The following KLHL17 variants were observed in gnomAD, a reference collection of about 807,000 sequenced individuals.
The protein encoded by KLHL17 is kelch like family member 17, also known as kelch-like protein 17.
In KLHL17, 71 loss-of-function variants were observed where a neutral mutation model predicts 64.6. The ratio of observed to expected loss-of-function variants is 1.10; its 90% CI spans 0.91 to 1.34. The LOEUF (loss-of-function observed/expected upper bound fraction) is 1.34, where lower values mean the gene tolerates loss of function less well. KLHL17 is among the 40% of genes most tolerant of loss of function. The probability of loss-of-function intolerance (pLI) is 0.00; values close to 1 mark genes in which losing one functional copy is unlikely to be tolerated. For synonymous variants in KLHL17, 612 were observed against 405.4 expected, an observed-to-expected ratio of 1.51 and a Z score of -6.12; for missense variants, 1,140 against 935.0, an observed-to-expected ratio of 1.22 and a Z score of -2.86.
rs373840424 is a variant in KLHL17 at position 963,224 on chromosome 1, G to T, written c.1158G>T (p.Ala386=). 3.7e-6 allele frequency: 6 copies of T among 1,607,332 alleles called. No individual in the cohort carries two copies. The South Asian group carries it at 6.6e-5, about 18-fold the overall frequency. The change falls in exon 7 of 12, where the codon GCG becomes GCT. Residue 386 remains alanine, a synonymous_variant. Coordinates refer to ENST00000338591, the MANE Select transcript of KLHL17 (RefSeq NM_198317.3). ...STRRARVGVA[A]VGNRLYAVGG... is the part of the protein sequence containing the mutation. ...GCCGGGCCCGGGTGGGAGTGGCTGCGGTGGGGAACCGGCTCTATGCTGTGG... is the reference window on the plus strand; with the variant it reads ...GCCGGGCCCGGGTGGGAGTGGCTGCTGTGGGGAACCGGCTCTATGCTGTGG...
chr1:963,866 C>T, intron 8 of KLHL17, 54 bp from the exon 9 acceptor site: 2 of 1,568,666 alleles, frequency 1.3e-6, no homozygotes, highest in Non-Finnish European at 1.8e-6. Context: ...GGTCCTGGGG[C>T]CGGGACGCCT....
intron 4 of KLHL17, 85 bp downstream of exon 4, chr1:962,132 GAC>G (rs1444310353): frequency 7.6e-7 from 1 of 1,309,368 alleles, no homozygotes; most frequent in Non-Finnish European, 1.0e-6. Flanking sequence ...TTTTGTTCCT[GAC>G]ACAGCCCTGC....
At chr1:962,266 C>T (rs764107073) in intron 4 of KLHL17, 89 bp from the exon 5 acceptor site, 10 of 1,600,480 alleles carry the variant, frequency 6.2e-6, no homozygotes, top group Middle Eastern at 1.7e-4. Flanking sequence ...CAGCCCCCAC[C>T]TGCTAACCCT....
rs1047309383 is a variant in KLHL17 at position 961,820 on chromosome 1, C to T, written c.490-6C>T. On this transcript the variant is annotated splice_polypyrimidine_tract_variant and splice_region_variant and intron_variant, in intron 3 of 11. Coordinates refer to ENST00000338591, the MANE Select transcript of KLHL17 (RefSeq NM_198317.3). ...CCTCCCTCACCTGCCTCTCGGTGCC[C>T]CGTAGACTCTGCTCCCAGCCGCCAG... 10 of 1,610,496 alleles carry T rather than the reference C, an allele frequency of 6.2e-6. No homozygotes were observed. The highest frequency in any genetic ancestry group is 1.3e-5 in the African/African-American group (1 of 75,054).
rs557507930 is a variant in KLHL17, at chr1:961,467, C to G, written c.282C>G (p.Ile94Met). ...RMRQRGLLCD[I>M]VLHVAAKEIR... ...GCCAGCGCGGCCTCCTGTGCGACAT[C>G]GTCCTGCACGTGGCTGCCAAGGAGA... The change falls in exon 2 of 12, where the codon ATC (isoleucine) becomes ATG (methionine). Residue 94 changes from isoleucine (I) to methionine (M), a missense_variant. Ile to Met is a conservative substitution (Grantham distance 10, BLOSUM62 1). Coordinates refer to ENST00000338591, the MANE Select transcript of KLHL17 (RefSeq NM_198317.3). The G allele has an allele frequency of 1.9e-6, 3 of 1,612,476 alleles. No homozygotes were observed. In the South Asian group the frequency reaches 3.3e-5, roughly 18 times the overall value.
chr1:962,310 A>G lies in KLHL17; in HGVS notation c.712-45A>G, dbSNP rs1386260867. The stretch of plus-strand genomic sequence containing the variant: ...GGCATCTTCAGGGCTCCCTGGGTCC[A>G]CAGGACCCTCCCCAGATCTCAGGTC... On this transcript the variant is annotated intron_variant, in intron 4 of 11. Coordinates refer to ENST00000338591, the MANE Select transcript of KLHL17 (RefSeq NM_198317.3). The G allele has an allele frequency of 3.7e-6, 6 of 1,610,238 alleles. No individual in the cohort carries two copies. In the African/African-American group the frequency reaches 4.0e-5, roughly 11 times the overall value.
In KLHL17 at chr1:964,714, G is replaced by A. The variant is rs1569993245; in HGVS notation, c.1700+184G>A. On this transcript the variant is annotated intron_variant, in intron 11 of 11. Coordinates refer to ENST00000338591, the MANE Select transcript of KLHL17 (RefSeq NM_198317.3). ...GCTGCCGGGAGGGGGGCGCGGGTCCGCAGTGGGGATGTGCTGCCGGGAGGG... is the reference window on the plus strand; with the variant it reads ...GCTGCCGGGAGGGGGGCGCGGGTCCACAGTGGGGATGTGCTGCCGGGAGGG... 3.8e-3 allele frequency among the ~76,000 whole-genome samples: 2 copies of A among 526 alleles called. 1 individual carries two copies. Among genetic ancestry groups the A allele is most frequent in the African/African-American group, 0.062 (2 of 32 alleles). The allele number at this position is 526 out of a possible 152,430, so 0.3% of individuals were successfully genotyped here. A position where few individuals can be genotyped will look rare whatever the true frequency, so the allele number is the denominator to read the frequency against.
chr1:961,432 A>G lies in KLHL17; in HGVS notation c.247A>G (p.Ser83Gly), dbSNP rs750691479. 1.8e-5 allele frequency: 29 copies of G among 1,611,904 alleles called. No homozygotes were observed. Among genetic ancestry groups the G allele is most frequent in the South Asian group, 8.8e-5 (8 of 91,008 alleles). ...CTACCACGATGCCTTCGTGGCCATG[A>G]GCCGCATGCGCCAGCGCGGCCTCCT... ...RHYHDAFVAMSRMRQRGLLCD... is the reference protein window; with the variant it reads ...RHYHDAFVAMGRMRQRGLLCD... The change falls in exon 2 of 12, where the codon AGC becomes GGC. Residue 83 changes from serine (S) to glycine (G), a missense_variant. Physicochemically the swap from Ser to Gly is moderately conservative, Grantham distance 56 (BLOSUM62 0). Coordinates refer to ENST00000338591, the MANE Select transcript of KLHL17 (RefSeq NM_198317.3).
intron 4 of KLHL17, 24 bp downstream of exon 4, chr1:962,071 T>TCGCCCC: frequency 1.3e-6 from 2 of 1,581,974 alleles, no homozygotes; most frequent in Non-Finnish European, 1.7e-6. Flanking sequence ...GGCCCAGCCC[T>TCGCCCC]CGCCCCCCAC....
In KLHL17 at chr1:961,474, C is replaced by T; in HGVS notation, c.289C>T (p.His97Tyr). Reference protein sequence around the residue: ...QRGLLCDIVLHVAAKEIRAHK... With the variant: ...QRGLLCDIVLYVAAKEIRAHK... ...CGGCCTCCTGTGCGACATCGTCCTG[C>T]ACGTGGCTGCCAAGGAGATCCGTGC... The change falls in exon 2 of 12, where the codon CAC becomes TAC. Residue 97 changes from histidine (H) to tyrosine (Y), a missense_variant. Coordinates refer to ENST00000338591, the MANE Select transcript of KLHL17 (RefSeq NM_198317.3). The T allele has an allele frequency of 6.2e-7, 1 of 1,612,506 alleles. No individual in the cohort carries two copies. Among genetic ancestry groups the T allele is most frequent in the East Asian group, 2.2e-5 (1 of 44,882 alleles).
At position 962,246 on chromosome 1, in the gene KLHL17, T is replaced by C. The variant is rs749809737; in HGVS notation, c.712-109T>C. 3 of 1,557,886 alleles carry C rather than the reference T, an allele frequency of 1.9e-6. No homozygotes were observed. The African/African-American group carries it at 4.1e-5, about 21-fold the overall frequency. ...CCTGACTCTGCTCGGCCCCTCCCAG[T>C]ATGAACACTCAGCCCCCACCTGCTA... On this transcript the variant is annotated intron_variant, in intron 4 of 11. Transcript: ENST00000338591.
rs745735689 is a variant in KLHL17 at position 961,518 on chromosome 1, C to T, written c.333C>T (p.Ala111=). The T allele has an allele frequency of 2.7e-5, 43 of 1,612,488 alleles. No individual in the cohort carries two copies. The East Asian group carries it at 3.8e-4, about 14-fold the overall frequency. The change falls in exon 2 of 12, where the codon GCC becomes GCT. Residue 111 remains alanine (A), a synonymous_variant. Coordinates refer to ENST00000338591, the MANE Select transcript of KLHL17 (RefSeq NM_198317.3). Reference sequence around the variant, plus strand: ...TCCGTGCGCACAAAGTGGTGCTGGCCTCCTGCAGCCCCTACTTCCACGCCA... The same window carrying T: ...TCCGTGCGCACAAAGTGGTGCTGGCTTCCTGCAGCCCCTACTTCCACGCCA... ...KEIRAHKVVL[A]SCSPYFHAMF...
rs777666468 is a variant in KLHL17, at chr1:963,076, C to T, written c.1043-33C>T. On this transcript the variant is annotated intron_variant, in intron 6 of 11. Transcript: ENST00000338591. ...GGGTGTGGCCCAGCAGTGGGATCCA[C>T]TCACGAGTCCCGTCTCCACCTGCCC... 2.5e-6 allele frequency: 4 copies of T among 1,605,640 alleles called. No individual in the cohort carries two copies. The South Asian group carries it at 3.3e-5, about 13-fold the overall frequency.
Position 962,703 on chromosome 1 carries a change from G to A in KLHL17, c.829-1G>A. On this transcript the variant is annotated splice_acceptor_variant, in intron 5 of 11. Coordinates refer to ENST00000338591, the MANE Select transcript of KLHL17 (RefSeq NM_198317.3). LOFTEE classifies it high-confidence loss of function. ...TGACCTTGGCGTTCCCTGCACCCCA[G>A]CTCATGAAGTGTGTGCGGCTGCCCT... 7.5e-6 allele frequency: 12 copies of A among 1,590,832 alleles called. No individual in the cohort carries two copies. The highest frequency in any genetic ancestry group is 1.7e-5 in the Admixed American group (1 of 57,830).
chr1:962,153 C>A, intron 4 of KLHL17, 106 bp downstream of exon 4: 2 of 1,289,574 alleles, frequency 1.6e-6, no homozygotes, highest in Non-Finnish European at 2.2e-6. Flanking sequence ...GCCCACAATC[C>A]TTAGTGCCTG....
chr1:961,831 G>A lies in KLHL17; in HGVS notation c.495G>A (p.Leu165=), dbSNP rs1175948348. 2 of 1,610,000 alleles carry A rather than the reference G, an allele frequency of 1.2e-6. No homozygotes were observed. Among genetic ancestry groups the A allele is most frequent in the Non-Finnish European group, 1.7e-6 (2 of 1,179,854 alleles). ...IVVGEGNVQT[L]LPAASLLQLN... ...TGCCTCTCGGTGCCCCGTAGACTCTGCTCCCAGCCGCCAGTCTCCTGCAGC... is the reference window on the plus strand; with the variant it reads ...TGCCTCTCGGTGCCCCGTAGACTCTACTCCCAGCCGCCAGTCTCCTGCAGC... The change falls in exon 4 of 12, where the codon CTG becomes CTA. Residue 165 remains leucine (L), a synonymous_variant. Transcript: ENST00000338591.
intron 1 of KLHL17, 115 bp downstream of exon 1, chr1:960,915 G>T: frequency 1.3e-6 from 1 of 780,792 alleles, no homozygotes; most frequent in Non-Finnish European, 1.6e-6. Flanking sequence ...GGGAGGTCGG[G>T]ACTCAGGTGC....
In KLHL17 at chr1:962,491, G is replaced by C. The variant is rs781075684; in HGVS notation, c.828+20G>C. The C allele has an allele frequency of 1.9e-6, 3 of 1,610,780 alleles. No homozygotes were observed. The highest frequency in any genetic ancestry group is 2.5e-6 in the Non-Finnish European group (3 of 1,179,078). ...CCACGGGTGAGGCGCGGCCGCGGGG[G>C]GCTCCCACAGCATCCAGGAGGGCAT... On this transcript the variant is annotated intron_variant, in intron 5 of 11. Coordinates refer to ENST00000338591, the MANE Select transcript of KLHL17 (RefSeq NM_198317.3).
rs1370682746 is a variant in KLHL17 at position 963,418 on chromosome 1, C to T, written c.1269C>T (p.Gly423=). The change falls in exon 8 of 12, where the codon GGC becomes GGT. Residue 423 remains glycine, a synonymous_variant. Coordinates refer to ENST00000338591, the MANE Select transcript of KLHL17 (RefSeq NM_198317.3). ...TNTWQPEVSM[G]TRRSCLGVAA... ...CGTGGCAGCCGGAGGTGTCCATGGGCACAAGGCGAAGCTGCCTGGGTGTGG... is the reference window on the plus strand; with the variant it reads ...CGTGGCAGCCGGAGGTGTCCATGGGTACAAGGCGAAGCTGCCTGGGTGTGG... The T allele has an allele frequency of 6.2e-7, 1 of 1,612,648 alleles. No individual in the cohort carries two copies. Among genetic ancestry groups the T allele is most frequent in the Non-Finnish European group, 8.5e-7 (1 of 1,179,874 alleles).
Sources: gnomAD v4.1 joint callset for allele counts (sites outside exome capture counted in the v4.1 genomes callset) on GRCh38, gnomAD v4.1.1 for gene constraint, MANE v1.5 for transcripts, NCBI Gene and HGNC (gene_info 2026-07-23, HGNC 2026-07-21) for gene names.